The following CTNNA3 variants were observed in gnomAD, a reference collection of about 807,000 sequenced individuals.
CTNNA3 encodes the protein catenin alpha 3.
Under a neutral mutation model 95.7 loss-of-function variants are expected in CTNNA3, and 76 were observed. That is an observed-to-expected ratio of 0.79 (90% CI 0.66 to 0.96). The LOEUF is 0.96. Ranked by LOEUF, CTNNA3 falls within the 40% of genes least tolerant of loss-of-function variation. The pLI is 0.00. For synonymous variants in CTNNA3, 431 were observed against 374.4 expected (o/e 1.15, Z -1.74); for missense variants, 1,191 against 1,089.8 (o/e 1.09, Z -1.31).
At chr10:66,742,275 T>C (rs1849352184) in intron 9 of CTNNA3, among the ~76,000 whole-genome samples, 1 of 152,192 alleles carries the variant, frequency 6.6e-6, no homozygotes, top group Admixed American at 6.5e-5. Context: ...CCCATAGCGC[T>C]CCCAGGCTTA....
At chr10:66,749,835 C>T (rs1028677665) in intron 9 of CTNNA3, among the ~76,000 whole-genome samples, 1 of 152,220 alleles carries the variant, frequency 6.6e-6, no homozygotes, top group African/African-American at 2.4e-5. Flanking sequence ...TTCCCACCAG[C>T]AATGAATGAC....
intron 7 of CTNNA3, among the ~76,000 whole-genome samples, chr10:67,128,378 T>C (rs1432293476): frequency 6.6e-6 from 1 of 152,114 alleles, no homozygotes; most frequent in Non-Finnish European, 1.5e-5. Context: ...CTTTTAAAAG[T>C]AATTTATTTA....
At chr10:67,207,294 A>G (rs1863946665) in intron 6 of CTNNA3, among the ~76,000 whole-genome samples, 1 of 152,196 alleles carries the variant, frequency 6.6e-6, no homozygotes, top group South Asian at 2.1e-4. Flanking sequence ...ACATAGTGAT[A>G]AGCATACATG....
chr10:66,456,880 G>A (rs1047841206), intron 11 of CTNNA3, among the ~76,000 whole-genome samples: 5 of 152,094 alleles, frequency 3.3e-5, no homozygotes, highest in Admixed American at 1.3e-4. Flanking sequence ...GACTGCTTGA[G>A]CCCAGAAGTT....
At chr10:66,421,065 A>G (rs1405806023) in intron 11 of CTNNA3, among the ~76,000 whole-genome samples, 1 of 152,188 alleles carries the variant, frequency 6.6e-6, no homozygotes, top group Non-Finnish European at 1.5e-5. Context: ...TATGTATACA[A>G]TGGAATACTA....
intron 5 of CTNNA3, among the ~76,000 whole-genome samples, chr10:67,486,094 G>A (rs1482365574): frequency 2.0e-5 from 3 of 152,208 alleles, no homozygotes; most frequent in Non-Finnish European, 4.4e-5. Flanking sequence ...CTTAAGCTAT[G>A]AAGTCAAAAG....
At chr10:66,282,836 T>C (rs72799158) in intron 12 of CTNNA3, among the ~76,000 whole-genome samples, 7,153 of 151,992 alleles carry the variant, frequency 0.047, 303 homozygotes, top group African/African-American at 0.11. Flanking sequence ...TCTTTGTTTA[T>C]ATCCTAAGTG....
intron 13 of CTNNA3, among the ~76,000 whole-genome samples, chr10:66,199,752 C>T (rs2087204092): frequency 8.6e-6 from 1 of 116,264 alleles, no homozygotes; most frequent in South Asian, 2.6e-4. Flanking sequence ...CAGGCGTGTG[C>T]CACCACGCCT....
chr10:67,308,896 T>C (rs1050171348), intron 5 of CTNNA3, among the ~76,000 whole-genome samples: 1 of 152,142 alleles, frequency 6.6e-6, no homozygotes, highest in African/African-American at 2.4e-5. Flanking sequence ...TTCAAAACTT[T>C]TTTTTTCCTA....
At chr10:67,164,875 A>G (rs1373543318) in intron 7 of CTNNA3, among the ~76,000 whole-genome samples, 2 of 152,204 alleles carry the variant, frequency 1.3e-5, no homozygotes, top group Non-Finnish European at 2.9e-5. Context: ...TAGTGAAAAT[A>G]TCAAATGTTG....
intron 1 of CTNNA3, among the ~76,000 whole-genome samples, chr10:67,747,527 G>A (rs1442726718): frequency 6.6e-6 from 1 of 152,194 alleles, no homozygotes; most frequent in Non-Finnish European, 1.5e-5. Context: ...CCCTACAGAA[G>A]AGGGGCCTGT....
chr10:66,460,017 C>T (rs1258197667), intron 11 of CTNNA3, among the ~76,000 whole-genome samples: 2 of 152,002 alleles, frequency 1.3e-5, no homozygotes, highest in Non-Finnish European at 2.9e-5. Context: ...CCAAAATAGA[C>T]AGCCAATTGC....
At position 66,032,669 on chromosome 10, in the gene CTNNA3, T is replaced by C. The variant is rs567895130; in HGVS notation, c.2159+36639A>G. 5.3e-5 allele frequency among the ~76,000 whole-genome samples: 8 copies of C among 152,328 alleles called. No homozygotes were observed. The South Asian group carries it at 1.7e-3, about 32-fold the overall frequency. On this transcript the variant is annotated intron_variant, in intron 15 of 17. Coordinates refer to ENST00000433211, the MANE Select transcript of CTNNA3 (RefSeq NM_013266.4). ...TATGAGAGAACTCACACAACCATGTTCTCATTTCTAAGTAATTTATCACAT... is the reference window on the plus strand; with the variant it reads ...TATGAGAGAACTCACACAACCATGTCCTCATTTCTAAGTAATTTATCACAT...
At chr10:67,373,447 C>T (rs1033646392) in intron 5 of CTNNA3, among the ~76,000 whole-genome samples, 2 of 152,186 alleles carry the variant, frequency 1.3e-5, no homozygotes, top group South Asian at 2.1e-4. Context: ...TATATGCACC[C>T]AATACAGGAG....
chr10:66,254,574 C>G (rs575968891), intron 13 of CTNNA3, among the ~76,000 whole-genome samples: 42 of 152,276 alleles, frequency 2.8e-4, no homozygotes, highest in African/African-American at 8.7e-4. Flanking sequence ...CTAATAAAAC[C>G]TTCCTTTTCA....
intron 11 of CTNNA3, among the ~76,000 whole-genome samples, chr10:66,466,522 T>C (rs561832520): frequency 6.6e-6 from 1 of 152,192 alleles, no homozygotes; most frequent in Admixed American, 6.6e-5. Context: ...TGACTTAGTT[T>C]ACTACCATTT....
chr10:66,593,732 C>G (rs1224531190), intron 10 of CTNNA3, among the ~76,000 whole-genome samples: 3 of 152,110 alleles, frequency 2.0e-5, no homozygotes, highest in Non-Finnish European at 4.4e-5. Flanking sequence ...AGGTCTCAAG[C>G]AGGAATTGCC....
intron 15 of CTNNA3, among the ~76,000 whole-genome samples, chr10:66,067,397 T>C (rs1476436758): frequency 6.6e-6 from 1 of 152,174 alleles, no homozygotes; most frequent in East Asian, 1.9e-4. Flanking sequence ...ACTCAGTCTA[T>C]TAACATAAGA....
At chr10:66,391,404 T>C (rs2092932801) in intron 11 of CTNNA3, among the ~76,000 whole-genome samples, 1 of 152,132 alleles carries the variant, frequency 6.6e-6, no homozygotes, top group Admixed American at 6.6e-5. Flanking sequence ...TGTTAAGAAA[T>C]TTATCAAAGC....
Sources: gnomAD v4.1 joint callset for allele counts (sites outside exome capture counted in the v4.1 genomes callset) on GRCh38, gnomAD v4.1.1 for gene constraint, MANE v1.5 for transcripts, NCBI Gene and HGNC (gene_info 2026-07-23, HGNC 2026-07-21) for gene names.